Variants in MED12L observed in about 807,000 individuals in gnomAD.
MED12L encodes mediator complex subunit 12L.
In MED12L, 60 loss-of-function variants were observed where a neutral mutation model predicts 281.3. The ratio of observed to expected loss-of-function variants is 0.21; its 90% CI spans 0.17 to 0.26. The LOEUF (loss-of-function observed/expected upper bound fraction) is 0.26, where lower values mean the gene tolerates loss of function less well. MED12L is among the 10% of genes least tolerant of loss of function. The probability of loss-of-function intolerance (pLI) is 1.00; values close to 1 mark genes in which losing one functional copy is unlikely to be tolerated. For missense variants in MED12L, 2,146 were observed against 2,680.9 expected (o/e 0.80, Z 4.41); for synonymous variants, 974 against 987.2 (o/e 0.99, Z 0.25).
chr3:151,165,515 A>G lies in MED12L; in HGVS notation c.1353A>G (p.Thr451=). The G allele has an allele frequency of 6.2e-7, 1 of 1,611,522 alleles. No individual in the cohort carries two copies. The highest frequency in any genetic ancestry group is 1.1e-5 in the South Asian group (1 of 90,996). ...CATTTGACAAGTGCCAAGAATCCAC[A>G]GCAGGTACAGAATGCCACAGAGGAA... ...RWSFDKCQES[T]AGVTISRVLH... Residue 451 remains threonine (T), a synonymous_variant, in exon 10 of 45, where the codon ACA becomes ACG. Transcript: ENST00000687756.
At chr3:151,247,047 C>T (rs145184969) in intron 16 of MED12L, among the ~76,000 whole-genome samples, 3,875 of 152,184 alleles carry the variant, frequency 0.025, 150 homozygotes, top group African/African-American at 0.089. Flanking sequence ...GAAATGCAAA[C>T]CAAAACCACA....
At chr3:151,274,296 T>G (rs1741487987) in intron 16 of MED12L, among the ~76,000 whole-genome samples, 1 of 152,220 alleles carries the variant, frequency 6.6e-6, no homozygotes, top group Admixed American at 6.5e-5. Flanking sequence ...GTGGTACCAG[T>G]TATAAGGACA....
chr3:151,213,545 T>C (rs1203165949), intron 16 of MED12L: 12 of 1,614,074 alleles, frequency 7.4e-6, no homozygotes, highest in African/African-American at 1.3e-5. Context: ...GTCTGACTCT[T>C]TGTGTAGGGG....
At chr3:151,109,333 C>T (rs1472081925) in intron 2 of MED12L, among the ~76,000 whole-genome samples, 2 of 152,196 alleles carry the variant, frequency 1.3e-5, no homozygotes, top group African/African-American at 2.4e-5. Context: ...CGTGAGCCAC[C>T]GCACTGGGCC....
chr3:151,412,294 C>A (rs540034119), intron 41 of MED12L, among the ~76,000 whole-genome samples: 9 of 152,304 alleles, frequency 5.9e-5, no homozygotes, highest in African/African-American at 2.2e-4. Flanking sequence ...GAAATTCTTA[C>A]TAAGTTTTGA....
chr3:151,433,296 A>C lies in MED12L; in HGVS notation c.*492A>C, dbSNP rs571532548. The C allele has an allele frequency of 6.5e-6, 1 of 153,190 alleles. No homozygotes were observed. The highest frequency in any genetic ancestry group is 6.5e-5 in the Admixed American group (1 of 15,316). 9.5% of individuals were successfully genotyped at this position (153,190 alleles called of 1,614,324 possible). On this transcript the variant is annotated 3_prime_UTR_variant, in exon 45 of 45. Transcript: ENST00000687756. ...ATTCTGCATTCACCTGTGATGGTGA[A>C]ACGGACATTTATTTGCATCGCTCTA... is the stretch of plus-strand genomic sequence containing the variant.
intron 16 of MED12L, among the ~76,000 whole-genome samples, chr3:151,320,623 C>T (rs1029425283): frequency 3.9e-5 from 6 of 152,024 alleles, no homozygotes; most frequent in African/African-American, 9.7e-5. Flanking sequence ...CTGCTTTACA[C>T]GAAACACCTT....
Position 151,376,221 on chromosome 3 carries a change from C to T in MED12L, c.4053+7C>T, listed in dbSNP as rs751441422. On this transcript the variant is annotated splice_region_variant and intron_variant, in intron 28 of 44. Coordinates refer to ENST00000687756, the MANE Select transcript of MED12L (RefSeq NM_001393769.1). ...CATTAAGCGTATTCTTCAGGTCAGT[C>T]GTATACAGATTGTGTTTCTGTCATT... 7.6e-6 allele frequency: 11 copies of T among 1,456,004 alleles called. No individual in the cohort carries two copies. Among genetic ancestry groups the T allele is most frequent in the South Asian group, 1.6e-5 (1 of 64,136 alleles). 90.2% of individuals were successfully genotyped at this position (1,456,004 alleles called of 1,614,324 possible). A position where few individuals can be genotyped will look rare whatever the true frequency, so the allele number is the denominator to read the frequency against.
intron 16 of MED12L, among the ~76,000 whole-genome samples, chr3:151,289,327 T>G (rs1406449435): frequency 6.6e-6 from 1 of 152,240 alleles, no homozygotes; most frequent in Non-Finnish European, 1.5e-5. Flanking sequence ...GATAAAATGT[T>G]GGAAGTTGAC....
intron 43 of MED12L, among the ~76,000 whole-genome samples, chr3:151,427,329 A>T (rs999429457): frequency 3.3e-5 from 5 of 152,154 alleles, no homozygotes; most frequent in Admixed American, 3.3e-4. Flanking sequence ...CTCTCCCAGG[A>T]ATCCCTGGAT....
chr3:151,420,441 G>A (rs2087729), intron 43 of MED12L, among the ~76,000 whole-genome samples: 19,518 of 152,030 alleles, frequency 0.13, 1,665 homozygotes, highest in East Asian at 0.43. Context: ...TAATGTTGTG[G>A]GAACAGGAAG....
intron 42 of MED12L, among the ~76,000 whole-genome samples, chr3:151,415,659 C>T (rs151067212): frequency 6.6e-6 from 1 of 152,316 alleles, no homozygotes; most frequent in East Asian, 1.9e-4. Context: ...TTTTAAAGGT[C>T]ATTGAAACAA....
chr3:151,141,178 G>GTTTGTTTGTTTGTT (rs1553808456), intron 5 of MED12L, among the ~76,000 whole-genome samples: 27 of 102,232 alleles, frequency 2.6e-4, no homozygotes, highest in African/African-American at 1.1e-3. Flanking sequence ...TTTTTTTTTT[G>GTTTGTTTGTTTGTT]TTTTTTTTGT....
intron 30 of MED12L, 121 bp downstream of exon 30, chr3:151,377,299 G>A: frequency 1.3e-6 from 1 of 744,280 alleles, no homozygotes; most frequent in Non-Finnish European, 2.1e-6. Flanking sequence ...TTACTTGTAA[G>A]CAGGGATTAT....
intron 5 of MED12L, among the ~76,000 whole-genome samples, chr3:151,136,335 T>A (rs1404858664): frequency 6.6e-6 from 1 of 152,204 alleles, no homozygotes; most frequent in East Asian, 1.9e-4. Context: ...CTTTTTTGAT[T>A]CCAGGGACAA....
chr3:151,098,772 T>A (rs1721047058), intron 2 of MED12L, among the ~76,000 whole-genome samples: 1 of 152,256 alleles, frequency 6.6e-6, no homozygotes, highest in East Asian at 1.9e-4. Context: ...GGGAGTGTTT[T>A]TTGGTCTGTG....
intron 16 of MED12L, among the ~76,000 whole-genome samples, chr3:151,299,839 T>C (rs1230951497): frequency 2.0e-5 from 3 of 152,160 alleles, no homozygotes; most frequent in Non-Finnish European, 4.4e-5. Flanking sequence ...ATTTTAGAGA[T>C]GATGTCTAGA....
intron 16 of MED12L, among the ~76,000 whole-genome samples, chr3:151,309,913 T>C (rs1747269184): frequency 6.6e-6 from 1 of 152,218 alleles, no homozygotes. Flanking sequence ...AATTTTTTTT[T>C]CTGCCTTCTG....
intron 16 of MED12L, among the ~76,000 whole-genome samples, chr3:151,218,550 C>T (rs1055653200): frequency 3.0e-4 from 45 of 152,074 alleles, no homozygotes; most frequent in Non-Finnish European, 6.2e-4. Context: ...AAGAAAGATT[C>T]ATATATATAG....
Sources: gnomAD v4.1 joint callset for allele counts (sites outside exome capture counted in the v4.1 genomes callset) on GRCh38, gnomAD v4.1.1 for gene constraint, MANE v1.5 for transcripts, NCBI Gene and HGNC (gene_info 2026-07-23, HGNC 2026-07-21) for gene names.